Variants in SEL1L2 observed in about 807,000 individuals in gnomAD.
The protein encoded by SEL1L2 is SEL1L2 adaptor subunit of SYVN1 ubiquitin ligase, also known as protein sel-1 homolog 2.
SEL1L2 carries 89 observed loss-of-function variants against 98.8 expected under a neutral mutation model. The ratio of observed to expected loss-of-function variants is 0.90; its 90% CI spans 0.76 to 1.07. The LOEUF (loss-of-function observed/expected upper bound fraction) is 1.07. Ranked by LOEUF, SEL1L2 falls within the 50% of genes least tolerant of loss-of-function variation. The pLI, the probability that SEL1L2 is intolerant of heterozygous loss-of-function variation, is 0.00. For synonymous variants in SEL1L2, 262 were observed against 278.5 expected (o/e 0.94, Z 0.59); for missense variants, 788 against 812.0 (o/e 0.97, Z 0.36).
chr20:13,983,511 G>GTTTTGT lies in SEL1L2; in HGVS notation c.58+6960_58+6965dup, dbSNP rs879835251. ...CTTTTAGCACTAGCTTTTGTTTTTT[G>GTTTTGT]TTTTGTTTTTGTTTTTGTTTTTTTT... is the stretch of plus-strand genomic sequence containing the variant. On this transcript the variant is annotated intron_variant, in intron 1 of 19. Transcript: ENST00000284951. Among the ~76,000 whole-genome samples, 365 of 151,736 alleles carry GTTTTGT rather than the reference G, an allele frequency of 2.4e-3. 6 individuals are homozygous for GTTTTGT. Among genetic ancestry groups the GTTTTGT allele is most frequent in the Non-Finnish European group, 7.1e-4 (48 of 67,852 alleles).
intron 8 of SEL1L2, among the ~76,000 whole-genome samples, chr20:13,886,960 A>G (rs2046983549): frequency 1.3e-5 from 2 of 152,158 alleles, no homozygotes; most frequent in Admixed American, 6.6e-5. Context: ...CAAGTATGGT[A>G]TCAACTTATA....
chr20:13,966,785 A>G (rs2051063147), intron 1 of SEL1L2, among the ~76,000 whole-genome samples: 1 of 152,106 alleles, frequency 6.6e-6, no homozygotes, highest in Admixed American at 6.6e-5. Context: ...ACAGAATAGA[A>G]TCAAAGTTTA....
chr20:13,853,937 T>C (rs1988726311), intron 18 of SEL1L2, among the ~76,000 whole-genome samples: 1 of 152,258 alleles, frequency 6.6e-6, no homozygotes, highest in Non-Finnish European at 1.5e-5. Flanking sequence ...TGCATATTTC[T>C]GATTATTTCC....
At chr20:13,890,594 T>C (rs374071539) in intron 5 of SEL1L2, among the ~76,000 whole-genome samples, 71 of 151,352 alleles carry the variant, frequency 4.7e-4, no homozygotes, top group South Asian at 1.9e-3. Context: ...AGCAAAATAA[T>C]AACAACAACA....
intron 1 of SEL1L2, among the ~76,000 whole-genome samples, chr20:13,967,311 C>T (rs368428075): frequency 2.0e-4 from 31 of 152,338 alleles, no homozygotes; most frequent in Middle Eastern, 3.4e-3. Flanking sequence ...TACTTTCTCT[C>T]TGGCTTTTTC....
At chr20:13,902,079 C>G (rs1054257387) in intron 5 of SEL1L2, among the ~76,000 whole-genome samples, 21 of 152,130 alleles carry the variant, frequency 1.4e-4, no homozygotes, top group Non-Finnish European at 1.5e-4. Context: ...GCAGTAACTC[C>G]AGGGTGTTGC....
At chr20:13,947,884 C>A (rs1419038334) in intron 2 of SEL1L2, among the ~76,000 whole-genome samples, 2 of 152,246 alleles carry the variant, frequency 1.3e-5, no homozygotes, top group African/African-American at 4.8e-5. Flanking sequence ...TCTGCCACAG[C>A]AGCTGGTGTG....
chr20:13,907,565 T>G (rs2047989299), intron 5 of SEL1L2, among the ~76,000 whole-genome samples: 1 of 152,062 alleles, frequency 6.6e-6, no homozygotes. Context: ...CAAGATCCTA[T>G]CTCAGAAATA....
chr20:13,940,354 G>C (rs995586613), intron 2 of SEL1L2, among the ~76,000 whole-genome samples: 1 of 152,184 alleles, frequency 6.6e-6, no homozygotes, highest in African/African-American at 2.4e-5. Flanking sequence ...CGGGCAGAAA[G>C]GACAGTAAGT....
intron 4 of SEL1L2, chr20:13,915,332 G>A (rs1223211571): frequency 1.1e-5 from 11 of 1,003,084 alleles, no homozygotes; most frequent in Non-Finnish European, 1.5e-5. Context: ...ATTAACCCAG[G>A]TCAAAGCCAG....
At chr20:13,937,783 G>A (rs1324555696) in intron 2 of SEL1L2, among the ~76,000 whole-genome samples, 1 of 152,188 alleles carries the variant, frequency 6.6e-6, no homozygotes, top group Non-Finnish European at 1.5e-5. Context: ...TGAATCAAGG[G>A]AAGTTTAATG....
intron 5 of SEL1L2, among the ~76,000 whole-genome samples, chr20:13,895,871 A>T (rs2047401557): frequency 6.6e-6 from 1 of 152,076 alleles, no homozygotes; most frequent in Non-Finnish European, 1.5e-5. Context: ...ACACACACAA[A>T]CTGTTAAAAC....
At chr20:13,933,817 C>T (rs990795242) in intron 2 of SEL1L2, among the ~76,000 whole-genome samples, 1 of 152,070 alleles carries the variant, frequency 6.6e-6, no homozygotes, top group Non-Finnish European at 1.5e-5. Flanking sequence ...GTTTGCTTTG[C>T]TTTCTTGGTT....
At chr20:13,854,032 C>T (rs1416221710) in intron 18 of SEL1L2, among the ~76,000 whole-genome samples, 1 of 152,158 alleles carries the variant, frequency 6.6e-6, no homozygotes, top group Admixed American at 6.5e-5. Context: ...CTGAGAGGGC[C>T]ATTTTAAATA....
chr20:13,932,869 C>G (rs1022005657), intron 2 of SEL1L2, among the ~76,000 whole-genome samples: 1 of 151,920 alleles, frequency 6.6e-6, no homozygotes, highest in African/African-American at 2.4e-5. Flanking sequence ...AGAGCAATGA[C>G]CCAGGGGCCA....
intron 3 of SEL1L2, among the ~76,000 whole-genome samples, chr20:13,919,903 T>G: frequency 7.1e-6 from 1 of 140,084 alleles, no homozygotes; most frequent in Non-Finnish European, 1.5e-5. Context: ...CCAGCCTAGG[T>G]GACAGAGCGA....
chr20:13,924,075 A>G (rs546417298), intron 3 of SEL1L2, among the ~76,000 whole-genome samples: 18 of 152,208 alleles, frequency 1.2e-4, no homozygotes, highest in African/African-American at 3.4e-4. Context: ...TTTTCTCCCT[A>G]TTATTGACTT....
chr20:13,945,889 T>C (rs2049984964), intron 2 of SEL1L2, among the ~76,000 whole-genome samples: 1 of 152,160 alleles, frequency 6.6e-6, no homozygotes, highest in Admixed American at 6.6e-5. Context: ...TTTGACATGC[T>C]TTTGTGATAA....
intron 9 of SEL1L2, 79 bp from the exon 10 acceptor site, chr20:13,885,482 T>G: frequency 1.1e-6 from 1 of 933,068 alleles, no homozygotes; most frequent in Non-Finnish European, 1.8e-6. Context: ...GTGATTTTAC[T>G]TTAGTATGTT....
Sources: allele counts gnomAD v4.1 joint callset (sites outside exome capture counted in the v4.1 genomes callset), GRCh38; gene constraint gnomAD v4.1.1; transcripts MANE v1.5; gene names NCBI Gene and HGNC (gene_info 2026-07-23, HGNC 2026-07-21).